CTNNA3: variants seen among roughly 807,000 people sequenced by gnomAD.
The protein encoded by CTNNA3 is catenin alpha 3.
A neutral mutation model predicts 95.7 loss-of-function variants in CTNNA3; 76 were observed. The observed-to-expected ratio is 0.79, with a 90% CI of 0.66 to 0.96. The LOEUF is 0.96. Ranked by LOEUF, CTNNA3 falls within the 40% of genes least tolerant of loss-of-function variation. CTNNA3 has a pLI of 0.00. For synonymous variants in CTNNA3, 431 were observed against 374.4 expected (o/e 1.15, Z -1.74); for missense variants, 1,191 against 1,089.8 (o/e 1.09, Z -1.31).
chr10:66,109,994 AT>A (rs1239110327), intron 13 of CTNNA3, among the ~76,000 whole-genome samples: 1 of 152,138 alleles, frequency 6.6e-6, no homozygotes, highest in East Asian at 1.9e-4. Context: ...ATATATTAAC[AT>A]TATGAAATGA....
intron 5 of CTNNA3, among the ~76,000 whole-genome samples, chr10:67,415,777 T>G (rs1433398743): frequency 6.6e-6 from 1 of 152,154 alleles, no homozygotes; most frequent in East Asian, 1.9e-4. Flanking sequence ...CAAAACAGCA[T>G]GGTATTGGTA....
At chr10:66,070,384 C>T (rs896322775) in intron 14 of CTNNA3, among the ~76,000 whole-genome samples, 2 of 152,210 alleles carry the variant, frequency 1.3e-5, no homozygotes, top group Admixed American at 6.5e-5. Flanking sequence ...AACTGACTCA[C>T]GAATAGAAAT....
intron 6 of CTNNA3, among the ~76,000 whole-genome samples, chr10:67,205,831 C>T (rs934544497): frequency 6.6e-6 from 1 of 152,154 alleles, no homozygotes; most frequent in Non-Finnish European, 1.5e-5. Context: ...TTACCATTTA[C>T]TTTAGAAAAC....
At position 66,932,698 on chromosome 10, in the gene CTNNA3, TAAAGAAA is replaced by T. The variant is rs573008347; in HGVS notation, c.1048-157181_1048-157175del. Among the ~76,000 whole-genome samples the T allele has an allele frequency of 6.3e-3, 958 of 151,524 alleles. 6 individuals carry two copies. Among genetic ancestry groups the T allele is most frequent in the Middle Eastern group, 0.031 (9 of 294 alleles). On this transcript the variant is annotated intron_variant, in intron 7 of 17. Transcript: ENST00000433211. ...CAAATAGCTCTAATTAAAAATGAAT[TAAAGAAA>T]TAATAATAATACATAGGTGAAAGTC...
At chr10:67,136,577 A>C (rs1366360248) in intron 7 of CTNNA3, among the ~76,000 whole-genome samples, 2 of 152,160 alleles carry the variant, frequency 1.3e-5, no homozygotes, top group Non-Finnish European at 1.5e-5. Flanking sequence ...AGAGAGACAC[A>C]GAGAGAGAAG....
Position 65,918,671 on chromosome 10 carries a change from C to T in CTNNA3, c.*1659G>A, listed in dbSNP as rs1245407771. ...AACAGGGAGGAGTTTATTGCCTTCACCTCCTAGGAAGTTTTACACTGAGCT... is the reference window on the plus strand; with the variant it reads ...AACAGGGAGGAGTTTATTGCCTTCATCTCCTAGGAAGTTTTACACTGAGCT... On this transcript the variant is annotated 3_prime_UTR_variant, in exon 18 of 18. Transcript: ENST00000433211. 6.6e-6 allele frequency: 1 copy of T among 152,042 alleles called. No homozygotes were observed. 9.4% of individuals were successfully genotyped at this position (152,042 alleles called of 1,614,324 possible). A position where few individuals can be genotyped will look rare whatever the true frequency, so the allele number is the denominator to read the frequency against.
At chr10:67,313,296 G>T (rs577634506) in intron 5 of CTNNA3, among the ~76,000 whole-genome samples, 30 of 152,138 alleles carry the variant, frequency 2.0e-4, no homozygotes, top group Non-Finnish European at 4.1e-4. Flanking sequence ...AATAAGGCAT[G>T]GTGGAGGGGC....
intron 5 of CTNNA3, among the ~76,000 whole-genome samples, chr10:67,356,585 T>C (rs1356740259): frequency 6.6e-6 from 1 of 152,088 alleles, no homozygotes; most frequent in Non-Finnish European, 1.5e-5. Context: ...TTTTTTATTA[T>C]CAATAACAGC....
At chr10:67,606,306 A>G (rs1039099556) in intron 3 of CTNNA3, among the ~76,000 whole-genome samples, 1 of 152,228 alleles carries the variant, frequency 6.6e-6, no homozygotes, top group African/African-American at 2.4e-5. Flanking sequence ...ATAAGTAAAG[A>G]TCTCAAAAAG....
intron 11 of CTNNA3, among the ~76,000 whole-genome samples, chr10:66,410,589 T>C (rs1286156515): frequency 1.3e-5 from 2 of 152,210 alleles, no homozygotes; most frequent in South Asian, 2.1e-4. Context: ...CAATTCTAAA[T>C]ACTGATTGCC....
chr10:67,596,868 G>A lies in CTNNA3; in HGVS notation c.292+9989C>T, dbSNP rs185844618. On this transcript the variant is annotated intron_variant, in intron 3 of 17. Transcript: ENST00000433211. The stretch of plus-strand genomic sequence containing the variant: ...AATATCCTCAAATATGTTTTCCAAG[G>A]CATTCTCTCTTTCCCTCTCTTTCAG... Among the ~76,000 whole-genome samples the A allele has an allele frequency of 1.8e-4, 27 of 152,238 alleles. No individual in the cohort carries two copies. The East Asian group carries it at 4.8e-3, about 27-fold the overall frequency.
intron 7 of CTNNA3, among the ~76,000 whole-genome samples, chr10:66,830,674 A>G (rs1362173073): frequency 6.6e-6 from 1 of 150,762 alleles, no homozygotes; most frequent in Non-Finnish European, 1.5e-5. Flanking sequence ...CAGTGGTGCG[A>G]TCTCGGCTCA....
Position 67,144,566 on chromosome 10 carries a change from G to A in CTNNA3, c.1047+35751C>T, listed in dbSNP as rs116691836. ...TACAGCTTTTACATCAGTACTTGCT[G>A]GTTTACCCTACACTTTTATGTTATA... On this transcript the variant is annotated intron_variant, in intron 7 of 17. Transcript: ENST00000433211. Among the ~76,000 whole-genome samples the A allele has an allele frequency of 6.4e-3, 975 of 152,228 alleles. 15 individuals are homozygous for A. The highest frequency in any genetic ancestry group is 0.022 in the African/African-American group (934 of 41,522).
In CTNNA3 at chr10:66,379,234, G is replaced by A. The variant is rs773885927; in HGVS notation, c.1650C>T (p.Ile550=). 53 of 1,614,102 alleles carry A rather than the reference G, an allele frequency of 3.3e-5. No individual in the cohort carries two copies. The highest frequency in any genetic ancestry group is 4.2e-5 in the Non-Finnish European group (50 of 1,179,978). ...CGTAACTGTCCATTTCACCCGTGAC[G>A]ATGTGAGCAACTCTTGCTGCCCGGC... ...IRGRAARVAH[I]VTGEMDSYEP... is the part of the protein sequence containing the mutation. Residue 550 remains isoleucine (I), a synonymous_variant, in exon 12 of 18, where the codon ATC becomes ATT. Transcript: ENST00000433211.
intron 17 of CTNNA3, among the ~76,000 whole-genome samples, chr10:65,952,270 A>T (rs1313522236): frequency 6.6e-6 from 1 of 152,034 alleles, no homozygotes; most frequent in Non-Finnish European, 1.5e-5. Context: ...GAAGAACAGC[A>T]CCCCCACATG....
chr10:67,015,350 A>C (rs1852593300), intron 7 of CTNNA3: 1 of 152,176 alleles, frequency 6.6e-6, no homozygotes, highest in Non-Finnish European at 1.5e-5. Flanking sequence ...ATGTATGTGC[A>C]TGCACATGAG....
At chr10:66,567,183 A>G (rs1283864042) in intron 10 of CTNNA3, among the ~76,000 whole-genome samples, 2 of 152,074 alleles carry the variant, frequency 1.3e-5, no homozygotes, top group Admixed American at 6.6e-5. Flanking sequence ...CAGTTGACAG[A>G]CACAGGCAAG....
chr10:67,763,233 A>G (rs1372443952), intron 1 of CTNNA3, among the ~76,000 whole-genome samples: 12 of 151,956 alleles, frequency 7.9e-5, no homozygotes, highest in Admixed American at 7.9e-4. Flanking sequence ...TGCAGTATTC[A>G]TAGAGAAAAT....
chr10:66,132,200 C>G (rs1248304369), intron 13 of CTNNA3, among the ~76,000 whole-genome samples: 6 of 152,052 alleles, frequency 3.9e-5, no homozygotes, highest in Non-Finnish European at 8.8e-5. Context: ...GGAACTTATA[C>G]AAATCTATAA....
Sources: allele counts gnomAD v4.1 joint callset (sites outside exome capture counted in the v4.1 genomes callset), GRCh38; gene constraint gnomAD v4.1.1; transcripts MANE v1.5; gene names NCBI Gene and HGNC (gene_info 2026-07-23, HGNC 2026-07-21).